MAF: variants seen among roughly 807,000 people sequenced by gnomAD.
MAF encodes the protein MAF bZIP transcription factor.
In MAF, 10 loss-of-function variants were observed where a neutral mutation model predicts 22.0. That is an observed-to-expected ratio of 0.45 (90% CI 0.28 to 0.77). The LOEUF is 0.77. MAF is among the 30% of genes least tolerant of loss of function. MAF has a pLI of 0.12. For synonymous variants in MAF, 337 were observed against 255.8 expected, an observed-to-expected ratio of 1.32 and a Z score of -3.03; for missense variants, 544 against 548.4, an observed-to-expected ratio of 0.99 and a Z score of 0.08.
At chr16:79,411,410 C>T in the MAF span, among the ~76,000 whole-genome samples, 2 of 152,178 alleles carry the variant, frequency 1.3e-5, no homozygotes, top group Admixed American at 1.3e-4. Context: ...TCCCCTGAAC[C>T]TTTTATTTTG....
chr16:79,308,125 C>A, the MAF span, among the ~76,000 whole-genome samples: 69 of 152,310 alleles, frequency 4.5e-4, no homozygotes, highest in Non-Finnish European at 3.1e-4. Context: ...TCCCTGAAGA[C>A]CCACAGCCCT....
At chr16:79,562,729 T>C in the MAF span, among the ~76,000 whole-genome samples, 2 of 152,124 alleles carry the variant, frequency 1.3e-5, no homozygotes, top group African/African-American at 4.8e-5. Flanking sequence ...ACCACAAAGC[T>C]GTTGTCCAGG....
the MAF span, among the ~76,000 whole-genome samples, chr16:79,393,083 C>G: frequency 2.6e-5 from 4 of 152,208 alleles, no homozygotes; most frequent in Non-Finnish European, 5.9e-5. Context: ...CCTTTGCTCC[C>G]GTCTCCCTGG....
the MAF span, among the ~76,000 whole-genome samples, chr16:79,221,764 T>C: frequency 6.6e-6 from 1 of 152,086 alleles, no homozygotes; most frequent in Non-Finnish European, 1.5e-5. Flanking sequence ...TGTGTATGTG[T>C]GTGTGTGCAT....
At chr16:79,328,806 G>A in the MAF span, among the ~76,000 whole-genome samples, 1 of 152,310 alleles carries the variant, frequency 6.6e-6, no homozygotes, top group South Asian at 2.1e-4. Context: ...AATTGCTCCA[G>A]CCTCTCTCTG....
At chr16:79,487,413 T>C in the MAF span, among the ~76,000 whole-genome samples, 1 of 152,164 alleles carries the variant, frequency 6.6e-6, no homozygotes, top group Non-Finnish European at 1.5e-5. Flanking sequence ...CCTATACAAA[T>C]TCGTGGGCCT....
chr16:79,533,786 G>A, the MAF span, among the ~76,000 whole-genome samples: 1 of 152,182 alleles, frequency 6.6e-6, no homozygotes, highest in Non-Finnish European at 1.5e-5. Context: ...AGCTCTGCGT[G>A]TGAGGATGTG....
rs1913887191 is a variant in MAF at position 79,599,747 on chromosome 16, C to T, written c.156G>A (p.Gly52=). The change falls in exon 1 of 2, where the codon GGG becomes GGA. Residue 52 remains glycine (G), a synonymous_variant. Transcript: ENST00000326043. ...TCATGGGGGTGGAGGACAGCGAGCCCCCGGCGATGAGACGGCCGCACTGGC... is the reference window on the plus strand; with the variant it reads ...TCATGGGGGTGGAGGACAGCGAGCCTCCGGCGATGAGACGGCCGCACTGGC... ...IISQCGRLIA[G]GSLSSTPMST... 3 of 1,612,846 alleles carry T rather than the reference C, an allele frequency of 1.9e-6. No individual in the cohort carries two copies. Among genetic ancestry groups the T allele is most frequent in the Non-Finnish European group, 2.5e-6 (3 of 1,179,880 alleles).
intron 1 of MAF, chr16:79,596,395 C>G: frequency 9.5e-7 from 1 of 1,058,070 alleles, no homozygotes; most frequent in Non-Finnish European, 1.1e-6. Context: ...AGGAATCCTT[C>G]CACTGGAGAA....
chr16:79,399,680 G>T, the MAF span, among the ~76,000 whole-genome samples: 1 of 152,254 alleles, frequency 6.6e-6, no homozygotes, highest in Admixed American at 6.5e-5. Flanking sequence ...GAGCCCTTGA[G>T]CTAAGAAACA....
chr16:79,560,174 G>A, the MAF span, among the ~76,000 whole-genome samples: 1 of 151,590 alleles, frequency 6.6e-6, no homozygotes, highest in Non-Finnish European at 1.5e-5. Context: ...GCTTCCCAAA[G>A]TACTGGGACT....
the MAF span, among the ~76,000 whole-genome samples, chr16:79,412,049 T>C: frequency 6.6e-6 from 1 of 152,206 alleles, no homozygotes; most frequent in Non-Finnish European, 1.5e-5. Context: ...ACTGAGCACT[T>C]AGTACACGTC....
chr16:79,529,256 G>T, the MAF span, among the ~76,000 whole-genome samples: 1 of 152,140 alleles, frequency 6.6e-6, no homozygotes, highest in East Asian at 1.9e-4. Flanking sequence ...ACCAGGGGAG[G>T]GAGATTATAC....
chr16:79,471,566 G>A, the MAF span, among the ~76,000 whole-genome samples: 1 of 152,128 alleles, frequency 6.6e-6, no homozygotes, highest in Non-Finnish European at 1.5e-5. Context: ...AGTTCCAGGT[G>A]CTAGGGCGGC....
the MAF span, among the ~76,000 whole-genome samples, chr16:79,375,683 C>G: frequency 6.6e-6 from 1 of 152,000 alleles, no homozygotes; most frequent in African/African-American, 2.4e-5. Flanking sequence ...CTCTGACAAC[C>G]AAGTCAAAAA....
chr16:79,227,689 A>AT, the MAF span, among the ~76,000 whole-genome samples: 205 of 149,896 alleles, frequency 1.4e-3, 1 homozygote, highest in African/African-American at 3.3e-3. Flanking sequence ...TGAAGTATTG[A>AT]TTTTTTTTTT....
At chr16:79,579,921 C>T in the MAF span, among the ~76,000 whole-genome samples, 1 of 152,168 alleles carries the variant, frequency 6.6e-6, no homozygotes, top group Non-Finnish European at 1.5e-5. Context: ...AACCACACAC[C>T]AGCCCAGCCT....
chr16:79,561,221 G>T, the MAF span, among the ~76,000 whole-genome samples: 1 of 151,768 alleles, frequency 6.6e-6, no homozygotes, highest in Non-Finnish European at 1.5e-5. Flanking sequence ...TTGTTCATCT[G>T]CCTATTGCTG....
At chr16:79,418,288 G>A in the MAF span, among the ~76,000 whole-genome samples, 2 of 152,088 alleles carry the variant, frequency 1.3e-5, no homozygotes, top group Non-Finnish European at 2.9e-5. Flanking sequence ...CTCATTATCT[G>A]GGGACAGTTT....
Sources: allele counts gnomAD v4.1 joint callset (sites outside exome capture counted in the v4.1 genomes callset), GRCh38; gene constraint gnomAD v4.1.1; transcripts MANE v1.5; gene names NCBI Gene and HGNC (gene_info 2026-07-23, HGNC 2026-07-21).